SULF1: variants seen among roughly 807,000 people sequenced by gnomAD.
SULF1 encodes the protein extracellular sulfatase Sulf-1.
SULF1 carries 46 observed loss-of-function variants against 110.5 expected under a neutral mutation model. That is an observed-to-expected ratio of 0.42 (90% CI 0.33 to 0.53). The LOEUF is 0.53. SULF1 is among the 20% of genes least tolerant of loss of function. The pLI, the probability that SULF1 is intolerant of heterozygous loss-of-function variation, is 0.12. For missense variants in SULF1, 941 were observed against 1,094.2 expected, an observed-to-expected ratio of 0.86 and a Z score of 1.98; for synonymous variants, 371 against 387.1, an observed-to-expected ratio of 0.96 and a Z score of 0.49.
intron 19 of SULF1, among the ~76,000 whole-genome samples, chr8:69,631,848 G>T (rs1172136858): frequency 6.6e-6 from 1 of 152,208 alleles, no homozygotes; most frequent in Non-Finnish European, 1.5e-5. Context: ...TCAGACTAGG[G>T]TCCGCCCATT....
intron 3 of SULF1, among the ~76,000 whole-genome samples, chr8:69,547,854 A>G (rs1012492194): frequency 2.0e-5 from 3 of 152,206 alleles, no homozygotes; most frequent in Non-Finnish European, 4.4e-5. Context: ...CGAAGTTAGA[A>G]TAAATGGAAT....
At position 69,603,236 on chromosome 8, in the gene SULF1, T is replaced by A. The variant is rs748320621; in HGVS notation, c.1106T>A (p.Leu369Gln). 2 of 1,614,132 alleles carry A rather than the reference T, an allele frequency of 1.2e-6. No homozygotes were observed. Among genetic ancestry groups the A allele is most frequent in the Non-Finnish European group, 1.7e-6 (2 of 1,180,018 alleles). Reference sequence around the variant, plus strand: ...AACATTGACTTGGCCCCCACGATCCTGGATATTGCTGGGCTCGACACACCT... The same window carrying A: ...AACATTGACTTGGCCCCCACGATCCAGGATATTGCTGGGCTCGACACACCT... ...VLNIDLAPTI[L>Q]DIAGLDTPPD... Residue 369 changes from leucine (L) to glutamine (Q), a missense_variant, in exon 11 of 23, where the codon CTG (leucine) becomes CAG (glutamine). By Grantham distance (113) the Leu-to-Gln change is moderately radical (BLOSUM62 -2). Around this residue, in one of 3 missense-constraint regions of SULF1, gnomAD observed 822 missense variants for 934.3 expected, o/e 0.88. Transcript: ENST00000402687.
intron 19 of SULF1, among the ~76,000 whole-genome samples, chr8:69,636,655 G>A (rs1417290487): frequency 6.6e-6 from 1 of 152,218 alleles, no homozygotes; most frequent in Non-Finnish European, 1.5e-5. Flanking sequence ...TTGAAGAAGT[G>A]GTAGTCGATT....
upstream of SULF1, among the ~76,000 whole-genome samples, chr8:69,488,811 G>T (rs929746958): frequency 3.3e-5 from 5 of 152,026 alleles, no homozygotes; most frequent in African/African-American, 1.2e-4. Flanking sequence ...ATACCATGCA[G>T]GGCACACAGG....
chr8:69,653,408 A>G (rs1262489062), intron 22 of SULF1, among the ~76,000 whole-genome samples: 1 of 152,190 alleles, frequency 6.6e-6, no homozygotes, highest in Non-Finnish European at 1.5e-5. Context: ...TAAAATATTT[A>G]CCAGTTTATT....
chr8:69,584,263 T>A (rs1586471421), intron 6 of SULF1, among the ~76,000 whole-genome samples: 1 of 152,280 alleles, frequency 6.6e-6, no homozygotes, highest in Non-Finnish European at 1.5e-5. Flanking sequence ...TTACCAGGGA[T>A]GGCAGGAGGG....
intron 1 of SULF1, among the ~76,000 whole-genome samples, chr8:69,469,630 T>C (rs1206212714): frequency 1.3e-5 from 2 of 152,252 alleles, no homozygotes; most frequent in African/African-American, 4.8e-5. Context: ...TCCATCATAA[T>C]AGTAGAGACA....
At chr8:69,630,112 A>G (rs554625210) in intron 19 of SULF1, among the ~76,000 whole-genome samples, 4 of 152,320 alleles carry the variant, frequency 2.6e-5, no homozygotes, top group African/African-American at 9.6e-5. Context: ...TCTTAAATGC[A>G]GGGCCCATAC....
chr8:69,642,656 C>T (rs575793581), intron 22 of SULF1, among the ~76,000 whole-genome samples: 1 of 152,282 alleles, frequency 6.6e-6, no homozygotes, highest in East Asian at 1.9e-4. Flanking sequence ...ATTGACTTTA[C>T]AGTTATTTTA....
intron 13 of SULF1, among the ~76,000 whole-genome samples, chr8:69,615,606 G>A (rs1193006566): frequency 1.3e-5 from 2 of 152,098 alleles, no homozygotes; most frequent in African/African-American, 2.4e-5. Context: ...TGGATAATAT[G>A]TTTGTATGCA....
chr8:69,520,801 G>A (rs923369475), intron 3 of SULF1, among the ~76,000 whole-genome samples: 1 of 152,124 alleles, frequency 6.6e-6, no homozygotes, highest in Non-Finnish European at 1.5e-5. Context: ...ATCAGCTTGG[G>A]TTCTCTTTCA....
intron 8 of SULF1, among the ~76,000 whole-genome samples, chr8:69,590,352 G>A (rs1016300774): frequency 2.0e-5 from 3 of 152,040 alleles, no homozygotes; most frequent in Non-Finnish European, 4.4e-5. Context: ...TAGTAGAGAC[G>A]CAGTTCCACC....
chr8:69,540,647 G>A lies in SULF1; in HGVS notation c.-133-22892G>A, dbSNP rs73683950. Among the ~76,000 whole-genome samples the A allele has an allele frequency of 2.4e-3, 372 of 152,272 alleles. 2 individuals carry two copies. The highest frequency in any genetic ancestry group is 8.3e-3 in the African/African-American group (345 of 41,554). ...GACAGCGTTTCCTGCCTTCTTGCCC[G>A]GGTTTCTGTAACTAGCACTGTGCAT... On this transcript the variant is annotated intron_variant, in intron 3 of 22. Coordinates refer to ENST00000402687, the MANE Select transcript of SULF1 (RefSeq NM_001128205.2).
In SULF1 at chr8:69,495,797, C is replaced by G. The variant is rs1810308199; in HGVS notation, c.-358C>G. ...TCACTTCTCTTGAACAAGGAACTCA[C>G]TCAGAGACTAACACAAAGGAAGTAA... On this transcript the variant is annotated 5_prime_UTR_variant, in exon 2 of 23. Coordinates refer to ENST00000402687, the MANE Select transcript of SULF1 (RefSeq NM_001128205.2). The G allele has an allele frequency of 6.6e-6, 1 of 152,208 alleles. No homozygotes were observed. Among genetic ancestry groups the G allele is most frequent in the African/African-American group, 2.4e-5 (1 of 41,454 alleles). 9.4% of individuals were successfully genotyped at this position (152,208 alleles called of 1,614,324 possible). A position where few individuals can be genotyped will look rare whatever the true frequency, so the allele number is the denominator to read the frequency against.
chr8:69,586,366 G>T lies in SULF1; in HGVS notation c.422G>T (p.Gly141Val). 1 of 1,551,156 alleles carries T rather than the reference G, an allele frequency of 6.4e-7. No homozygotes were observed. The highest frequency in any genetic ancestry group is 1.2e-5 in the South Asian group (1 of 80,326). The change falls in exon 7 of 23, where the codon GGA becomes GTA. Residue 141 changes from glycine to valine, a missense_variant. This residue lies in a region of SULF1 where 822 missense variants were observed against 934.3 expected (regional missense o/e 0.88). Coordinates refer to ENST00000402687, the MANE Select transcript of SULF1 (RefSeq NM_001128205.2). ...NNTGYRTAFF[G>V]KYLNEYNGSY... The stretch of plus-strand genomic sequence containing the variant: ...TTTTTTCCCACTGCAGCCTTTTTTG[G>T]AAAATACCTCAATGAATATAATGGC...
intron 22 of SULF1, among the ~76,000 whole-genome samples, chr8:69,655,293 G>A (rs183045655): frequency 1.3e-5 from 2 of 152,242 alleles, no homozygotes; most frequent in East Asian, 3.9e-4. Context: ...GCCCATCTCT[G>A]CATGGCTGCA....
chr8:69,640,928 G>C (rs918811529), intron 22 of SULF1, 87 bp downstream of exon 22: 1 of 1,327,670 alleles, frequency 7.5e-7, no homozygotes, highest in Non-Finnish European at 1.0e-6. Context: ...GTTTCTTACC[G>C]TGTTGCACAG....
intron 13 of SULF1, among the ~76,000 whole-genome samples, chr8:69,617,295 C>A (rs1344367366): frequency 3.4e-5 from 5 of 148,562 alleles, no homozygotes; most frequent in Non-Finnish European, 7.4e-5. Flanking sequence ...CCTCAGCCTC[C>A]CTCCAAGTAG....
At chr8:69,637,618 C>T (rs1334401473) in intron 19 of SULF1, 1 of 154,934 alleles carries the variant, frequency 6.5e-6, no homozygotes, top group Non-Finnish European at 1.4e-5. Flanking sequence ...ATGCAAAAAC[C>T]GTAATTACGT....
Sources: allele counts gnomAD v4.1 joint callset (sites outside exome capture counted in the v4.1 genomes callset), GRCh38; gene constraint gnomAD v4.1.1; regional missense constraint gnomAD v4.1.1; transcripts MANE v1.5; gene names NCBI Gene and HGNC (gene_info 2026-07-23, HGNC 2026-07-21).